Variants in TRIM44 observed in about 807,000 individuals in gnomAD.
TRIM44 encodes tripartite motif containing 44.
A neutral mutation model predicts 37.4 loss-of-function variants in TRIM44; 13 were observed. The ratio of observed to expected loss-of-function variants is 0.35; its 90% CI spans 0.23 to 0.55. The LOEUF is 0.55. Among genes scored for constraint, TRIM44 ranks in the 20% least tolerant of loss-of-function variants. The pLI, the probability that TRIM44 is intolerant of heterozygous loss-of-function variation, is 0.89. For missense variants in TRIM44, 426 were observed against 437.2 expected (o/e 0.97, Z 0.23); for synonymous variants, 175 against 157.2 (o/e 1.11, Z -0.85).
At chr11:35,782,303 G>C (rs1853077273) in intron 4 of TRIM44, among the ~76,000 whole-genome samples, 1 of 152,092 alleles carries the variant, frequency 6.6e-6, no homozygotes, top group Non-Finnish European at 1.5e-5. Context: ...GGATCCAAGG[G>C]AATGAAATTC....
chr11:35,796,937 G>A (rs1853300549), intron 4 of TRIM44, among the ~76,000 whole-genome samples: 1 of 152,160 alleles, frequency 6.6e-6, no homozygotes, highest in African/African-American at 2.4e-5. Flanking sequence ...GCAAGGGTGT[G>A]GGGAAAATGG....
intron 4 of TRIM44, among the ~76,000 whole-genome samples, chr11:35,760,134 G>T (rs1269198302): frequency 1.3e-5 from 2 of 152,204 alleles, no homozygotes; most frequent in East Asian, 3.9e-4. Context: ...GCTGTGGTGG[G>T]CTCCACCTAG....
chr11:35,764,206 T>C (rs1263190137), intron 4 of TRIM44, among the ~76,000 whole-genome samples: 1 of 152,216 alleles, frequency 6.6e-6, no homozygotes, highest in Non-Finnish European at 1.5e-5. Context: ...AGTTAATGTG[T>C]TAACAACTCC....
intron 4 of TRIM44, among the ~76,000 whole-genome samples, chr11:35,761,328 G>T (rs1366347510): frequency 1.3e-5 from 2 of 152,144 alleles, no homozygotes; most frequent in East Asian, 3.8e-4. Flanking sequence ...GAATGGCAGA[G>T]TCTGTACCCA....
At chr11:35,806,120 A>C (rs1411886196) in intron 4 of TRIM44, among the ~76,000 whole-genome samples, 1 of 152,130 alleles carries the variant, frequency 6.6e-6, no homozygotes, top group Non-Finnish European at 1.5e-5. Context: ...GTATTCTCTT[A>C]TTTAATCCTC....
chr11:35,754,284 T>C (rs187317275), intron 4 of TRIM44, among the ~76,000 whole-genome samples: 222 of 152,242 alleles, frequency 1.5e-3, no homozygotes, highest in African/African-American at 5.1e-3. Context: ...CAGGGAATCA[T>C]CTCGGATTTC....
Position 35,800,744 on chromosome 11 carries a change from A to G in TRIM44, c.1008-5614A>G, listed in dbSNP as rs965000851. Among the ~76,000 whole-genome samples the G allele has an allele frequency of 2.6e-5, 4 of 152,206 alleles. No homozygotes were observed. In the South Asian group the frequency reaches 8.3e-4, roughly 31 times the overall value. On this transcript the variant is annotated intron_variant, in intron 4 of 4. Transcript: ENST00000299413. ...GGGATAGAGAGGGGCACAGGAAGCA[A>G]AGAGAGACAGCTGTATGAATGAGAG... is the stretch of plus-strand genomic sequence containing the variant.
At chr11:35,700,495 A>C (rs897405550) in intron 2 of TRIM44, among the ~76,000 whole-genome samples, 2 of 152,200 alleles carry the variant, frequency 1.3e-5, no homozygotes, top group Admixed American at 6.5e-5. Context: ...CTATTTTTTC[A>C]GTAGTCTCAA....
chr11:35,753,855 A>G (rs1156860958), intron 4 of TRIM44, among the ~76,000 whole-genome samples: 1 of 151,884 alleles, frequency 6.6e-6, no homozygotes, highest in Non-Finnish European at 1.5e-5. Context: ...CAGCCTCCCA[A>G]GTAACTGGGA....
At chr11:35,702,209 CTTTA>C (rs1482601681) in intron 2 of TRIM44, among the ~76,000 whole-genome samples, 1 of 152,198 alleles carries the variant, frequency 6.6e-6, no homozygotes, top group East Asian at 1.9e-4. Context: ...ACCCTGTCAC[CTTTA>C]TTCCATTTTT....
At chr11:35,789,004 G>A (rs938986187) in intron 4 of TRIM44, among the ~76,000 whole-genome samples, 3 of 152,098 alleles carry the variant, frequency 2.0e-5, no homozygotes, top group Non-Finnish European at 4.4e-5. Context: ...TTTTTTTATA[G>A]AGGAGTATCT....
chr11:35,702,642 G>T (rs1420999361), intron 2 of TRIM44, among the ~76,000 whole-genome samples: 3 of 152,242 alleles, frequency 2.0e-5, no homozygotes, highest in South Asian at 4.1e-4. Flanking sequence ...TAGATGGCAT[G>T]TGTGTGAAAT....
At chr11:35,697,286 TC>T (rs1851716503) in intron 2 of TRIM44, among the ~76,000 whole-genome samples, 1 of 147,816 alleles carries the variant, frequency 6.8e-6, no homozygotes, top group South Asian at 2.2e-4. Context: ...ATTGTTGAGT[TC>T]CCACCTATGA....
chr11:35,671,647 CCAGAATGAG>C (rs1425950821), intron 1 of TRIM44, among the ~76,000 whole-genome samples: 3 of 152,082 alleles, frequency 2.0e-5, no homozygotes, highest in African/African-American at 7.2e-5. Context: ...TCAGAGTAGG[CCAGAATGAG>C]CAGAAAAACA....
intron 2 of TRIM44, among the ~76,000 whole-genome samples, chr11:35,707,043 C>CT (rs1851895261): frequency 6.6e-6 from 1 of 152,146 alleles, no homozygotes; most frequent in Non-Finnish European, 1.5e-5. Context: ...TCTCCTTAAG[C>CT]TGATAAGCAA....
chr11:35,775,752 G>C (rs1026478528), intron 4 of TRIM44, among the ~76,000 whole-genome samples: 5 of 152,160 alleles, frequency 3.3e-5, no homozygotes, highest in Non-Finnish European at 7.4e-5. Flanking sequence ...CTTTGGTGCT[G>C]TTTATATGCT....
intron 2 of TRIM44, among the ~76,000 whole-genome samples, chr11:35,702,392 T>C (rs1851800847): frequency 6.6e-6 from 1 of 152,234 alleles, no homozygotes; most frequent in Non-Finnish European, 1.5e-5. Flanking sequence ...GGCACATCCC[T>C]GGACTGAGAG....
intron 4 of TRIM44, among the ~76,000 whole-genome samples, chr11:35,782,754 A>G (rs1267545332): frequency 2.0e-5 from 3 of 152,306 alleles, no homozygotes; most frequent in South Asian, 4.2e-4. Context: ...GTAAAGCTAC[A>G]TGCCACTCCT....
intron 3 of TRIM44, among the ~76,000 whole-genome samples, chr11:35,733,883 C>G (rs1331461251): frequency 6.6e-6 from 1 of 152,120 alleles, no homozygotes; most frequent in Non-Finnish European, 1.5e-5. Context: ...AGAAATTTGC[C>G]TTTGCTCTTG....
Sources: allele counts gnomAD v4.1 joint callset (sites outside exome capture counted in the v4.1 genomes callset), GRCh38; gene constraint gnomAD v4.1.1; transcripts MANE v1.5; gene names NCBI Gene and HGNC (gene_info 2026-07-23, HGNC 2026-07-21).